LAMA2: variants seen among roughly 807,000 people sequenced by gnomAD.
The protein encoded by LAMA2 is laminin subunit alpha-2.
In LAMA2, 269 loss-of-function variants were observed where a neutral mutation model predicts 364.8. The ratio of observed to expected loss-of-function variants is 0.74; its 90% CI spans 0.67 to 0.82. The LOEUF (loss-of-function observed/expected upper bound fraction) is 0.82, where lower values mean the gene tolerates loss of function less well. Among genes scored for constraint, LAMA2 ranks in the 40% least tolerant of loss-of-function variants. LAMA2 has a pLI of 0.00. For synonymous variants in LAMA2, 1,379 were observed against 1,370.6 expected, an observed-to-expected ratio of 1.01 and a Z score of -0.14; for missense variants, 3,807 against 3,873.2, an observed-to-expected ratio of 0.98 and a Z score of 0.45.
At position 129,313,106 on chromosome 6, in the gene LAMA2, T is replaced by C. The variant is rs2114494652; in HGVS notation, c.3411+9T>C. On this transcript the variant is annotated intron_variant, in intron 23 of 64. Transcript: ENST00000421865. The stretch of plus-strand genomic sequence containing the variant: ...GGCAGTGCACTTGTAAGGTATGTGC[T>C]GCTGACATGCAGCTAGGGAAAACCT... 1.3e-6 allele frequency: 2 copies of C among 1,543,322 alleles called. No homozygotes were observed. The highest frequency in any genetic ancestry group is 1.8e-6 in the Non-Finnish European group (2 of 1,124,172).
chr6:129,085,890 T>G (rs7757097), intron 3 of LAMA2, among the ~76,000 whole-genome samples: 39,498 of 151,992 alleles, frequency 0.26, 5,264 homozygotes, highest in African/African-American at 0.31. Context: ...TCAGAAACTT[T>G]TGTTAACTGC....
At chr6:129,476,779 A>G (rs1339477281) in intron 53 of LAMA2, among the ~76,000 whole-genome samples, 1 of 149,658 alleles carries the variant, frequency 6.7e-6, no homozygotes, top group Non-Finnish European at 1.5e-5. Context: ...CTCACCCTAC[A>G]GTTGGGCATG....
At chr6:129,089,069 C>T (rs540913869) in intron 3 of LAMA2, among the ~76,000 whole-genome samples, 2 of 152,308 alleles carry the variant, frequency 1.3e-5, no homozygotes, top group African/African-American at 4.8e-5. Flanking sequence ...CTCGGCACCT[C>T]GGGAGGCCGA....
At chr6:129,325,386 T>A (rs1305703138) in intron 28 of LAMA2, among the ~76,000 whole-genome samples, 1 of 152,126 alleles carries the variant, frequency 6.6e-6, no homozygotes, top group East Asian at 1.9e-4. Flanking sequence ...AAAAGTAACT[T>A]TTTTGCTTCC....
At chr6:129,415,971 C>T (rs1432390201) in intron 40 of LAMA2, among the ~76,000 whole-genome samples, 2 of 29,428 alleles carry the variant, frequency 6.8e-5, no homozygotes, top group Non-Finnish European at 1.1e-4. Context: ...TTTTTTGAGA[C>T]GGAGTCTCGC....
intron 29 of LAMA2, among the ~76,000 whole-genome samples, chr6:129,340,591 G>T (rs552238297): frequency 1.3e-5 from 2 of 151,952 alleles, no homozygotes; most frequent in Non-Finnish European, 2.9e-5. Context: ...GGCTGGGCAC[G>T]TTGGGAGGCT....
chr6:129,483,507 T>C (rs1310370017), intron 55 of LAMA2, among the ~76,000 whole-genome samples: 1 of 152,186 alleles, frequency 6.6e-6, no homozygotes, highest in Non-Finnish European at 1.5e-5. Flanking sequence ...AATAAATTGG[T>C]ATAGTCAACA....
intron 1 of LAMA2, among the ~76,000 whole-genome samples, chr6:129,016,790 A>G (rs1785099866): frequency 6.6e-6 from 1 of 151,832 alleles, no homozygotes; most frequent in South Asian, 2.1e-4. Context: ...TGATAATATG[A>G]TCATACATTG....
chr6:129,225,224 TTTC>T (rs1784165657), intron 12 of LAMA2, among the ~76,000 whole-genome samples: 4 of 152,308 alleles, frequency 2.6e-5, no homozygotes, highest in African/African-American at 7.2e-5. Flanking sequence ...TCTTCTCTCT[TTTC>T]TTCTTTATTA....
intron 4 of LAMA2, among the ~76,000 whole-genome samples, chr6:129,108,336 G>A (rs1044868795): frequency 6.6e-6 from 1 of 151,778 alleles, no homozygotes; most frequent in African/African-American, 2.4e-5. Flanking sequence ...TTAGAATTTT[G>A]TTTGCTTTAA....
intron 12 of LAMA2, among the ~76,000 whole-genome samples, chr6:129,241,707 G>A (rs946924123): frequency 2.0e-5 from 3 of 152,124 alleles, no homozygotes; most frequent in Non-Finnish European, 2.9e-5. Flanking sequence ...AATATTAACA[G>A]ACATGTCAAA....
chr6:128,959,521 C>T (rs1781351842), intron 1 of LAMA2, among the ~76,000 whole-genome samples: 1 of 152,136 alleles, frequency 6.6e-6, no homozygotes, highest in Non-Finnish European at 1.5e-5. Context: ...CTTTACATCC[C>T]TTGAGGACTG....
rs139279499 is a variant in LAMA2 at position 128,893,734 on chromosome 6, C to A, written c.112+10377C>A. Among the ~76,000 whole-genome samples the A allele has an allele frequency of 9.1e-3, 1,383 of 151,898 alleles. 15 individuals carry two copies. The highest frequency in any genetic ancestry group is 0.017 in the Middle Eastern group (5 of 294). On this transcript the variant is annotated intron_variant, in intron 1 of 64. Transcript: ENST00000421865. ...GAAACTTTGATTTATGGTATATCTA[C>A]TATTTGATTGTATTAAAATTAAAAT...
At position 129,338,911 on chromosome 6, in the gene LAMA2, T is replaced by G. The variant is rs116249349; in HGVS notation, c.4312-3432T>G. On this transcript the variant is annotated intron_variant, in intron 29 of 64. Transcript: ENST00000421865. ...GGCCCCATGTGGCTACGGCATTATATGCAAAGAAAGCAGTGGCTACAGCTA... is the reference window on the plus strand; with the variant it reads ...GGCCCCATGTGGCTACGGCATTATAGGCAAAGAAAGCAGTGGCTACAGCTA... Among the ~76,000 whole-genome samples, 483 of 134,672 alleles carry G rather than the reference T, an allele frequency of 3.6e-3. 2 individuals carry two copies. Among genetic ancestry groups the G allele is most frequent in the African/African-American group, 0.012 (440 of 35,390 alleles). The allele number at this position is 134,672 out of a possible 152,430, so 88.4% of individuals were successfully genotyped here.
At chr6:128,938,848 T>C (rs532878225) in intron 1 of LAMA2, among the ~76,000 whole-genome samples, 1 of 152,238 alleles carries the variant, frequency 6.6e-6, no homozygotes, top group South Asian at 2.1e-4. Context: ...TCCATGTTGA[T>C]AGTCTTAATC....
At chr6:129,062,720 ATGTT>A (rs760429524) in intron 3 of LAMA2, among the ~76,000 whole-genome samples, 90 of 152,248 alleles carry the variant, frequency 5.9e-4, no homozygotes, top group Non-Finnish European at 9.9e-4. Flanking sequence ...ATATCACTAA[ATGTT>A]TGTTTGTCAT....
chr6:129,011,188 G>T (rs1165247029), intron 1 of LAMA2, among the ~76,000 whole-genome samples: 1 of 152,078 alleles, frequency 6.6e-6, no homozygotes, highest in Non-Finnish European at 1.5e-5. Flanking sequence ...TTTGCAAACC[G>T]ACTTACTATT....
chr6:129,415,586 C>T (rs932322030), intron 40 of LAMA2, among the ~76,000 whole-genome samples: 1 of 152,026 alleles, frequency 6.6e-6, no homozygotes, highest in African/African-American at 2.4e-5. Flanking sequence ...TGACTCATGC[C>T]GGTAATCCCA....
chr6:129,403,995 G>T, intron 40 of LAMA2, 36 bp downstream of exon 40: 2 of 1,611,568 alleles, frequency 1.2e-6, no homozygotes, highest in South Asian at 1.1e-5. Flanking sequence ...GGGAATGGAA[G>T]TCAACCTTTT....
Sources: allele counts gnomAD v4.1 joint callset (sites outside exome capture counted in the v4.1 genomes callset), GRCh38; gene constraint gnomAD v4.1.1; transcripts MANE v1.5; gene names NCBI Gene and HGNC (gene_info 2026-07-23, HGNC 2026-07-21).